Variants in GNA12 observed in about 807,000 individuals in gnomAD.
GNA12 encodes the protein G protein subunit alpha 12, also known as guanine nucleotide-binding protein subunit alpha-12.
GNA12 carries 9 observed loss-of-function variants against 26.0 expected under a neutral mutation model. The ratio of observed to expected loss-of-function variants is 0.35; its 90% CI spans 0.21 to 0.60. The LOEUF is 0.60. GNA12 is among the 20% of genes least tolerant of loss of function. The pLI is 0.78. For missense variants in GNA12, 405 were observed against 525.8 expected (o/e 0.77, Z 2.25); for synonymous variants, 264 against 219.6 (o/e 1.20, Z -1.79).
rs1006178488 is a variant in GNA12 at position 2,728,957 on chromosome 7, A to G, written c.*2224T>C. On this transcript the variant is annotated 3_prime_UTR_variant, in exon 4 of 4. Coordinates refer to ENST00000275364, the MANE Select transcript of GNA12 (RefSeq NM_007353.3). ...CGGGGGCCATCCCCCTGCGCTTTCT[A>G]TCGAGTTAAACGGACCCCACAATAT... 4 of 152,372 alleles carry G rather than the reference A, an allele frequency of 2.6e-5. No homozygotes were observed. The East Asian group carries it at 7.5e-4, about 29-fold the overall frequency. The allele number at this position is 152,372 out of a possible 1,614,324, so 9.4% of individuals were successfully genotyped here.
rs1364582453 is a variant in GNA12, at chr7:2,775,064, T to C, written c.525+19864A>G. On this transcript the variant is annotated intron_variant, in intron 2 of 3. Coordinates refer to ENST00000275364, the MANE Select transcript of GNA12 (RefSeq NM_007353.3). Reference sequence around the variant, plus strand: ...ACTATGTGATGAGTTACTTCCCCTCTACTGAGGATGACTAACATCTTTCAA... The same window carrying C: ...ACTATGTGATGAGTTACTTCCCCTCCACTGAGGATGACTAACATCTTTCAA... 3.9e-5 allele frequency among the ~76,000 whole-genome samples: 6 copies of C among 152,236 alleles called. No individual in the cohort carries two copies. In the East Asian group the frequency reaches 1.2e-3, roughly 29 times the overall value.
At chr7:2,781,597 A>G (rs1792231862) in intron 2 of GNA12, among the ~76,000 whole-genome samples, 1 of 152,204 alleles carries the variant, frequency 6.6e-6, no homozygotes, top group Non-Finnish European at 1.5e-5. Context: ...TCCAGTAAAC[A>G]GCCAAATGGT....
At chr7:2,744,711 A>T (rs1439676778) in intron 2 of GNA12, among the ~76,000 whole-genome samples, 2 of 152,216 alleles carry the variant, frequency 1.3e-5, no homozygotes, top group African/African-American at 2.4e-5. Context: ...TCAGACAATC[A>T]AACTACTCTG....
intron 2 of GNA12, among the ~76,000 whole-genome samples, chr7:2,770,704 AAAAC>A (rs1402969130): frequency 1.3e-5 from 2 of 152,192 alleles, no homozygotes; most frequent in South Asian, 2.1e-4. Flanking sequence ...AGAACAAACA[AAAAC>A]AAAGCAACAT....
intron 2 of GNA12, chr7:2,775,416 C>T (rs755975211): frequency 2.0e-5 from 3 of 152,308 alleles, no homozygotes; most frequent in East Asian, 3.9e-4. Context: ...AGAGTGGGAA[C>T]GACAAACCGA....
chr7:2,773,901 C>T (rs188519897), intron 2 of GNA12, among the ~76,000 whole-genome samples: 139 of 152,256 alleles, frequency 9.1e-4, no homozygotes, highest in African/African-American at 2.8e-3. Flanking sequence ...AACTAAATTG[C>T]GGGACATTCA....
intron 1 of GNA12, among the ~76,000 whole-genome samples, chr7:2,795,829 T>C (rs1025414785): frequency 2.0e-5 from 3 of 150,908 alleles, no homozygotes; most frequent in African/African-American, 4.9e-5. Context: ...TTTTTTTTTT[T>C]TTTTTCTTAG....
chr7:2,785,633 G>C (rs1426967892), intron 2 of GNA12, among the ~76,000 whole-genome samples: 1 of 152,102 alleles, frequency 6.6e-6, no homozygotes, highest in African/African-American at 2.4e-5. Context: ...TCATGTGTAA[G>C]TGTATTGTAC....
intron 2 of GNA12, among the ~76,000 whole-genome samples, chr7:2,773,928 T>C (rs1283776829): frequency 1.3e-5 from 2 of 152,152 alleles, no homozygotes; most frequent in Non-Finnish European, 1.5e-5. Context: ...GGAATTACCA[T>C]GCAGCAACAA....
rs111477949 is a variant in GNA12, at chr7:2,780,695, A to G, written c.525+14233T>C. On this transcript the variant is annotated intron_variant, in intron 2 of 3. Coordinates refer to ENST00000275364, the MANE Select transcript of GNA12 (RefSeq NM_007353.3). ...CTGGTATCTTTGGGCCAACATCATA[A>G]TGTTTGTGAGATTGATCATATTGCT... 6.7e-3 allele frequency among the ~76,000 whole-genome samples: 1,026 copies of G among 152,268 alleles called. 12 individuals carry two copies. The highest frequency in any genetic ancestry group is 0.023 in the African/African-American group (964 of 41,566).
intron 2 of GNA12, among the ~76,000 whole-genome samples, chr7:2,744,829 C>G (rs995721565): frequency 1.3e-5 from 2 of 152,042 alleles, no homozygotes; most frequent in South Asian, 2.1e-4. Flanking sequence ...CTTAAAGGAC[C>G]TGATGGAGCT....
chr7:2,838,214 A>G (rs1255368443), intron 1 of GNA12, among the ~76,000 whole-genome samples: 2 of 151,882 alleles, frequency 1.3e-5, no homozygotes, highest in Non-Finnish European at 2.9e-5. Context: ...GGAGACTGGG[A>G]TAAGTTACAT....
intron 1 of GNA12, among the ~76,000 whole-genome samples, chr7:2,795,981 C>T (rs960299925): frequency 2.0e-5 from 3 of 151,822 alleles, no homozygotes; most frequent in Non-Finnish European, 2.9e-5. Flanking sequence ...CCACCAGGCC[C>T]GGCTAATTTT....
intron 1 of GNA12, among the ~76,000 whole-genome samples, chr7:2,805,426 C>T (rs193236403): frequency 1.3e-3 from 192 of 152,248 alleles, no homozygotes; most frequent in Non-Finnish European, 1.8e-3. Context: ...TTTGTAGAGA[C>T]AGGGTCACAC....
chr7:2,766,014 A>G (rs1245866559), intron 2 of GNA12, among the ~76,000 whole-genome samples: 1 of 152,218 alleles, frequency 6.6e-6, no homozygotes, highest in African/African-American at 2.4e-5. Context: ...TCATTTTAAA[A>G]TGCACAGTTC....
intron 2 of GNA12, among the ~76,000 whole-genome samples, chr7:2,780,927 C>T (rs1792211513): frequency 6.6e-6 from 1 of 152,254 alleles, no homozygotes; most frequent in African/African-American, 2.4e-5. Flanking sequence ...TCATACCCAT[C>T]TGTTTTCCAA....
At chr7:2,751,644 AG>A (rs1791045069) in intron 2 of GNA12, among the ~76,000 whole-genome samples, 2 of 152,370 alleles carry the variant, frequency 1.3e-5, no homozygotes, top group South Asian at 4.1e-4. Context: ...ATTAAGAAAA[AG>A]AAAAAACAAA....
intron 1 of GNA12, among the ~76,000 whole-genome samples, chr7:2,811,607 C>T (rs1793082913): frequency 6.6e-6 from 1 of 152,214 alleles, no homozygotes; most frequent in Admixed American, 6.5e-5. Context: ...CCTGAAAGCA[C>T]ACGGCACAGA....
chr7:2,835,869 A>G, intron 1 of GNA12: 1 of 592,704 alleles, frequency 1.7e-6, no homozygotes, highest in South Asian at 1.6e-5. Flanking sequence ...AAGAAGAAAC[A>G]CAGGAAATGT....
Sources: gnomAD v4.1 joint callset for allele counts (sites outside exome capture counted in the v4.1 genomes callset) on GRCh38, gnomAD v4.1.1 for gene constraint, MANE v1.5 for transcripts, NCBI Gene and HGNC (gene_info 2026-07-23, HGNC 2026-07-21) for gene names.